JARID2: variants seen among roughly 807,000 people sequenced by gnomAD.
JARID2 encodes the protein protein Jumonji.
Under a neutral mutation model 125.6 loss-of-function variants are expected in JARID2, and 21 were observed. That is an observed-to-expected ratio of 0.17 (90% CI 0.12 to 0.24). The LOEUF is 0.24. Among genes scored for constraint, JARID2 ranks in the 10% least tolerant of loss-of-function variants. The pLI is 1.00. For synonymous variants in JARID2, 736 were observed against 661.6 expected (o/e 1.11, Z -1.73); for missense variants, 1,303 against 1,639.6 (o/e 0.79, Z 3.55).
chr6:15,424,868 C>G (rs1183332144), intron 3 of JARID2, among the ~76,000 whole-genome samples: 2 of 152,034 alleles, frequency 1.3e-5, no homozygotes, highest in African/African-American at 4.8e-5. Context: ...TCAAACAAAA[C>G]AAAACAACAA....
chr6:15,356,468 C>T (rs776369674), intron 1 of JARID2, among the ~76,000 whole-genome samples: 4 of 152,076 alleles, frequency 2.6e-5, no homozygotes, highest in African/African-American at 4.8e-5. Context: ...CTTAAGTTCA[C>T]GTCTATGGAA....
At chr6:15,513,100 G>A (rs1233527650) in intron 15 of JARID2, 55 bp downstream of exon 15, 8 of 1,610,206 alleles carry the variant, frequency 5.0e-6, no homozygotes, top group Non-Finnish European at 5.9e-6. Context: ...CCCTTCGGGG[G>A]CTCACCCCCC....
chr6:15,326,507 T>A (rs1046501941), intron 1 of JARID2, among the ~76,000 whole-genome samples: 2 of 152,180 alleles, frequency 1.3e-5, no homozygotes, highest in Non-Finnish European at 1.5e-5. Flanking sequence ...TATTAATGTT[T>A]TTATTTTCTT....
At chr6:15,256,708 C>G (rs2127308434) in intron 1 of JARID2, among the ~76,000 whole-genome samples, 1 of 152,260 alleles carries the variant, frequency 6.6e-6, no homozygotes, top group South Asian at 2.1e-4. Context: ...CCCTGTTCAC[C>G]CCGTCTGGCA....
chr6:15,354,349 A>C (rs771460532), intron 1 of JARID2, among the ~76,000 whole-genome samples: 2 of 152,222 alleles, frequency 1.3e-5, no homozygotes, highest in African/African-American at 4.8e-5. Flanking sequence ...AGCCTTGCTA[A>C]CACCACCAGC....
At chr6:15,458,451 C>A (rs755729700) in intron 4 of JARID2, among the ~76,000 whole-genome samples, 2 of 152,220 alleles carry the variant, frequency 1.3e-5, no homozygotes, top group African/African-American at 4.8e-5. Flanking sequence ...TACTGTCAGC[C>A]GTTGTGAAGC....
At chr6:15,444,897 C>T (rs770552412) in intron 3 of JARID2, among the ~76,000 whole-genome samples, 46 of 151,756 alleles carry the variant, frequency 3.0e-4, no homozygotes, top group Non-Finnish European at 4.4e-4. Context: ...CATGTACTTC[C>T]CTCAGCAAGG....
chr6:15,406,528 G>T (rs985537417), intron 2 of JARID2, among the ~76,000 whole-genome samples: 2 of 152,184 alleles, frequency 1.3e-5, no homozygotes, highest in African/African-American at 4.8e-5. Context: ...ACATGAATGT[G>T]ATTCTCTTCT....
Position 15,507,329 on chromosome 6 carries a change from CG to C in JARID2, c.2661-16del, listed in dbSNP as rs1561913770. The C allele has an allele frequency of 1.2e-6, 2 of 1,612,656 alleles. No homozygotes were observed. Among genetic ancestry groups the C allele is most frequent in the Admixed American group, 1.7e-5 (1 of 60,012 alleles). On this transcript the variant is annotated splice_polypyrimidine_tract_variant and intron_variant, in intron 10 of 17. Transcript: ENST00000341776. ...TTCCCCGCCAGTTTGTAACGTCCCT[CG>C]TCTTCCCCTTTGCAGGCATGGATGG...
chr6:15,520,036 T>C, intron 17 of JARID2, 33 bp from the exon 18 acceptor site: 2 of 1,589,458 alleles, frequency 1.3e-6, no homozygotes, highest in Non-Finnish European at 1.7e-6. Flanking sequence ...TAATACGGTA[T>C]GTTAACTGTG....
chr6:15,332,646 G>A (rs1762745660), intron 1 of JARID2, among the ~76,000 whole-genome samples: 1 of 152,282 alleles, frequency 6.6e-6, no homozygotes, highest in African/African-American at 2.4e-5. Context: ...TGTAAGTCCA[G>A]CTGTCCCCCT....
At chr6:15,319,136 G>A (rs544808976) in intron 1 of JARID2, among the ~76,000 whole-genome samples, 7 of 152,278 alleles carry the variant, frequency 4.6e-5, no homozygotes, top group African/African-American at 1.4e-4. Context: ...GAGAGAGGAT[G>A]CTGTCTGTCT....
At chr6:15,358,725 G>A (rs1763690316) in intron 1 of JARID2, among the ~76,000 whole-genome samples, 2 of 152,216 alleles carry the variant, frequency 1.3e-5, no homozygotes, top group Admixed American at 6.5e-5. Context: ...CAGTTACCTG[G>A]TTTCCTTAGT....
chr6:15,285,106 G>GTTTTTTTTTTTTTT (rs199945772), intron 1 of JARID2, among the ~76,000 whole-genome samples: 3 of 119,458 alleles, frequency 2.5e-5, no homozygotes, highest in African/African-American at 9.9e-5. Flanking sequence ...GTCTTTCTGG[G>GTTTTTTTTTTTTTT]TTTTTTTTTT....
At chr6:15,388,208 A>G (rs1764860581) in intron 2 of JARID2, among the ~76,000 whole-genome samples, 1 of 152,050 alleles carries the variant, frequency 6.6e-6, no homozygotes, top group African/African-American at 2.4e-5. Context: ...AATGTCTTAG[A>G]TCTGATTTCC....
chr6:15,303,109 A>G (rs546233841), intron 1 of JARID2, among the ~76,000 whole-genome samples: 38 of 152,376 alleles, frequency 2.5e-4, no homozygotes, highest in Admixed American at 7.2e-4. Flanking sequence ...GCCAGGAATT[A>G]TAATCCTAAT....
chr6:15,384,097 T>TTTTTTA (rs1354831115), intron 2 of JARID2, among the ~76,000 whole-genome samples: 2 of 152,226 alleles, frequency 1.3e-5, no homozygotes, highest in South Asian at 2.1e-4. Context: ...CCCAACCTAT[T>TTTTTTA]TTTTTATTTT....
At chr6:15,377,288 T>C (rs764700606) in intron 2 of JARID2, among the ~76,000 whole-genome samples, 2 of 152,130 alleles carry the variant, frequency 1.3e-5, no homozygotes, top group Admixed American at 1.3e-4. Context: ...TATATGGCAG[T>C]GGCAAGAGAA....
chr6:15,330,137 C>A (rs1227312622), intron 1 of JARID2, among the ~76,000 whole-genome samples: 1 of 152,222 alleles, frequency 6.6e-6, no homozygotes, highest in African/African-American at 2.4e-5. Context: ...TTTGATTTCA[C>A]AAGTCAGGCT....
Sources: gnomAD v4.1 joint callset for allele counts (sites outside exome capture counted in the v4.1 genomes callset) on GRCh38, gnomAD v4.1.1 for gene constraint, MANE v1.5 for transcripts, NCBI Gene and HGNC (gene_info 2026-07-23, HGNC 2026-07-21) for gene names.